Variants in OSBPL6 observed in about 807,000 individuals in gnomAD.
OSBPL6 encodes oxysterol binding protein like 6.
OSBPL6 carries 49 observed loss-of-function variants against 125.8 expected under a neutral mutation model. That is an observed-to-expected ratio of 0.39 (90% CI 0.31 to 0.49). OSBPL6 has a LOEUF of 0.49. Ranked by LOEUF, OSBPL6 falls within the 20% of genes least tolerant of loss-of-function variation. The pLI, the probability that OSBPL6 is intolerant of heterozygous loss-of-function variation, is 0.88. For missense variants in OSBPL6, 986 were observed against 1,135.4 expected (o/e 0.87, Z 1.89); for synonymous variants, 394 against 391.8 (o/e 1.01, Z -0.07).
chr2:178,392,097 C>T (rs1488015453), intron 22 of OSBPL6, among the ~76,000 whole-genome samples: 3 of 152,230 alleles, frequency 2.0e-5, no homozygotes, highest in Admixed American at 2.0e-4. Context: ...AGTTAATTGC[C>T]ATAGTATTTA....
intron 3 of OSBPL6, among the ~76,000 whole-genome samples, chr2:178,317,437 C>CAT (rs6147046): frequency 0.016 from 1,673 of 106,570 alleles, 25 homozygotes; most frequent in African/African-American, 0.025. Context: ...ACTTAGACAC[C>CAT]ATATATATAT....
intron 2 of OSBPL6, among the ~76,000 whole-genome samples, chr2:178,304,671 A>G (rs556804197): frequency 3.9e-4 from 59 of 152,170 alleles, no homozygotes; most frequent in Non-Finnish European, 6.9e-4. Context: ...ACTTCCCAAT[A>G]CTGTTGCGTT....
intron 1 of OSBPL6, among the ~76,000 whole-genome samples, chr2:178,220,954 C>T (rs2090313880): frequency 6.6e-6 from 1 of 152,076 alleles, no homozygotes. Flanking sequence ...TGAAAAAAAT[C>T]GCCCTCTTGG....
chr2:178,263,654 G>C (rs969717701), intron 1 of OSBPL6, among the ~76,000 whole-genome samples: 2 of 152,148 alleles, frequency 1.3e-5, no homozygotes, highest in African/African-American at 4.8e-5. Flanking sequence ...CTTGGTAAGT[G>C]TGGTTTTCTG....
intron 5 of OSBPL6, 57 bp from the exon 6 acceptor site, chr2:178,331,495 G>A (rs1011093751): frequency 1.3e-6 from 2 of 1,561,698 alleles, no homozygotes; most frequent in Non-Finnish European, 8.8e-7. Flanking sequence ...CCACATTTGT[G>A]AATGTTTTAT....
At chr2:178,272,220 G>A (rs1352829197) in intron 1 of OSBPL6, among the ~76,000 whole-genome samples, 1 of 152,210 alleles carries the variant, frequency 6.6e-6, no homozygotes, top group Non-Finnish European at 1.5e-5. Context: ...ACTGCCAAGT[G>A]CCATGTTAGG....
At chr2:178,228,404 G>T (rs191444987) in intron 1 of OSBPL6, among the ~76,000 whole-genome samples, 1 of 152,144 alleles carries the variant, frequency 6.6e-6, no homozygotes, top group African/African-American at 2.4e-5. Flanking sequence ...GTGTGGTGGC[G>T]TGCGCCTGTA....
intron 11 of OSBPL6, among the ~76,000 whole-genome samples, chr2:178,343,899 T>G (rs1428001021): frequency 6.6e-6 from 1 of 152,236 alleles, no homozygotes; most frequent in Non-Finnish European, 1.5e-5. Context: ...CCACATTATT[T>G]CATCAGTTTT....
intron 2 of OSBPL6, among the ~76,000 whole-genome samples, chr2:178,289,796 G>GA: frequency 6.6e-6 from 1 of 152,030 alleles, no homozygotes; most frequent in South Asian, 2.1e-4. Flanking sequence ...CACATACTAG[G>GA]TTTGGCTGAT....
rs74763068 is a variant in OSBPL6 at position 178,250,958 on chromosome 2, TAA to T, written c.-350-33957_-350-33956del. ...GGTAGACATTCATCAAATATTGGAA[TAA>T]AAAAAAAAAAAGAAAAGAAAGTGTA... On this transcript the variant is annotated intron_variant, in intron 1 of 24. Transcript: ENST00000190611. Among the ~76,000 whole-genome samples the T allele has an allele frequency of 2.0e-3, 277 of 135,638 alleles. 2 individuals are homozygous for T. The highest frequency in any genetic ancestry group is 7.3e-3 in the African/African-American group (270 of 37,096). The allele number at this position is 135,638 out of a possible 152,430, so 89.0% of individuals were successfully genotyped here. A position where few individuals can be genotyped will look rare whatever the true frequency, so the allele number is the denominator to read the frequency against.
chr2:178,323,324 T>C (rs4894012), intron 3 of OSBPL6, among the ~76,000 whole-genome samples: 22,370 of 152,246 alleles, frequency 0.15, 1,811 homozygotes, highest in Admixed American at 0.23. Context: ...ATTTTTCTGT[T>C]GAAATTTTAT....
chr2:178,216,181 A>G (rs1485415712), intron 1 of OSBPL6, among the ~76,000 whole-genome samples: 1 of 152,146 alleles, frequency 6.6e-6, no homozygotes, highest in African/African-American at 2.4e-5. Context: ...TTCTAAGAGG[A>G]TATCTGTTTG....
chr2:178,338,923 C>T (rs964400623), intron 9 of OSBPL6, 68 bp from the exon 10 acceptor site: 5 of 1,048,362 alleles, frequency 4.8e-6, no homozygotes, highest in Non-Finnish European at 7.2e-6. Context: ...TTGCATTGAC[C>T]CTTTTATTAC....
intron 22 of OSBPL6, among the ~76,000 whole-genome samples, chr2:178,391,724 T>G (rs1695421780): frequency 1.3e-5 from 2 of 152,232 alleles, no homozygotes; most frequent in Non-Finnish European, 2.9e-5. Flanking sequence ...TGATAACACA[T>G]TAGCTTATGA....
At chr2:178,390,572 C>G (rs924232015) in intron 21 of OSBPL6, among the ~76,000 whole-genome samples, 2 of 152,176 alleles carry the variant, frequency 1.3e-5, no homozygotes, top group African/African-American at 2.4e-5. Context: ...TACTTGGGGC[C>G]TGATCTGGAA....
intron 4 of OSBPL6, among the ~76,000 whole-genome samples, chr2:178,327,613 A>G (rs1688806685): frequency 1.3e-5 from 2 of 152,204 alleles, no homozygotes; most frequent in South Asian, 4.1e-4. Context: ...ATTCATAAAC[A>G]GTGCTAACTT....
intron 1 of OSBPL6, among the ~76,000 whole-genome samples, chr2:178,276,667 C>T (rs1313471379): frequency 1.3e-5 from 2 of 152,164 alleles, no homozygotes; most frequent in Non-Finnish European, 2.9e-5. Context: ...GCCACCACTC[C>T]TGGCCTTTAC....
At position 178,306,290 on chromosome 2, in the gene OSBPL6, A is replaced by T; in HGVS notation, c.102+4A>T. 1 of 1,579,168 alleles carries T rather than the reference A, an allele frequency of 6.3e-7. No individual in the cohort carries two copies. Among genetic ancestry groups the T allele is most frequent in the Non-Finnish European group, 8.7e-7 (1 of 1,148,150 alleles). On this transcript the variant is annotated splice_donor_region_variant and intron_variant, in intron 3 of 24. Transcript: ENST00000190611. ...CTCCCAAAGGGACAGTAGGCAGGTA[A>T]GAGAAGAGCATTAAGTGCCTTTGGT...
intron 1 of OSBPL6, among the ~76,000 whole-genome samples, chr2:178,213,920 C>T (rs1366991040): frequency 2.0e-5 from 3 of 152,140 alleles, no homozygotes; most frequent in African/African-American, 4.8e-5. Context: ...TGTCATTCCT[C>T]GGTGGCATTT....
Sources: allele counts gnomAD v4.1 joint callset (sites outside exome capture counted in the v4.1 genomes callset), GRCh38; gene constraint gnomAD v4.1.1; transcripts MANE v1.5; gene names NCBI Gene and HGNC (gene_info 2026-07-23, HGNC 2026-07-21).